Variants in MMS22L observed in about 807,000 individuals in gnomAD.
MMS22L encodes protein MMS22-like.
In MMS22L, 74 loss-of-function variants were observed where a neutral mutation model predicts 159.1. That is an observed-to-expected ratio of 0.47 (90% CI 0.39 to 0.56). The LOEUF (loss-of-function observed/expected upper bound fraction) is 0.56. Ranked by LOEUF, MMS22L falls within the 20% of genes least tolerant of loss-of-function variation. The pLI is 0.00. For synonymous variants in MMS22L, 517 were observed against 506.9 expected (o/e 1.02, Z -0.27); for missense variants, 1,351 against 1,422.1 (o/e 0.95, Z 0.80).
Position 97,254,569 on chromosome 6 carries a change from T to A in MMS22L, c.1107A>T (p.Val369=). 1 of 1,613,062 alleles carries A rather than the reference T, an allele frequency of 6.2e-7. No homozygotes were observed. The highest frequency in any genetic ancestry group is 1.1e-5 in the South Asian group (1 of 90,832). The change falls in exon 10 of 25, where the codon GTA becomes GTT. Residue 369 remains valine, a synonymous_variant. Transcript: ENST00000683635. ...ASFYKFDRHG[V]PDEMRKVESN... is the part of the protein sequence containing the mutation. Reference sequence around the variant, plus strand: ...AATGAAGTCTTACCATTTCATCTGGTACTCCATGGCGATCAAACTTGTAAA... The same window carrying A: ...AATGAAGTCTTACCATTTCATCTGGAACTCCATGGCGATCAAACTTGTAAA...
At chr6:97,275,303 C>T (rs1170922233) in intron 4 of MMS22L, among the ~76,000 whole-genome samples, 2 of 151,640 alleles carry the variant, frequency 1.3e-5, no homozygotes, top group Non-Finnish European at 2.9e-5. Flanking sequence ...CTGAGGCAGG[C>T]GAATCACGAG....
chr6:97,222,943 C>T (rs921133621), intron 14 of MMS22L, among the ~76,000 whole-genome samples: 2 of 152,098 alleles, frequency 1.3e-5, no homozygotes, highest in African/African-American at 2.4e-5. Context: ...CAAGTGAGAA[C>T]TTAAAATGTG....
chr6:97,278,781 T>C, intron 4 of MMS22L, 68 bp downstream of exon 4: 2 of 1,295,898 alleles, frequency 1.5e-6, no homozygotes, highest in Non-Finnish European at 2.2e-6. Flanking sequence ...TATACCATCA[T>C]GGACCCATGT....
At chr6:97,156,629 T>C (rs1328967517) in intron 22 of MMS22L, among the ~76,000 whole-genome samples, 1 of 152,148 alleles carries the variant, frequency 6.6e-6, no homozygotes. Context: ...GTTGTAGATG[T>C]GTGATGTTAT....
chr6:97,190,798 G>A (rs190038169), intron 14 of MMS22L, among the ~76,000 whole-genome samples: 178 of 152,224 alleles, frequency 1.2e-3, no homozygotes, highest in African/African-American at 3.9e-3. Flanking sequence ...CCAACTCGCT[G>A]TTTTCTTTAG....
intron 4 of MMS22L, among the ~76,000 whole-genome samples, chr6:97,277,994 G>A (rs1413821550): frequency 6.6e-6 from 1 of 152,138 alleles, no homozygotes; most frequent in East Asian, 1.9e-4. Flanking sequence ...CCCACAATTA[G>A]CTAGGGTTGG....
At chr6:97,190,827 T>C (rs1038850513) in intron 14 of MMS22L, among the ~76,000 whole-genome samples, 4 of 152,136 alleles carry the variant, frequency 2.6e-5, no homozygotes, top group African/African-American at 7.2e-5. Flanking sequence ...ACAGGAACAA[T>C]TGTTGCTATA....
chr6:97,182,079 A>G, intron 15 of MMS22L, 25 bp from the exon 16 acceptor site: 1 of 1,592,298 alleles, frequency 6.3e-7, no homozygotes, highest in Non-Finnish European at 8.5e-7. Flanking sequence ...AGAGAAACTT[A>G]AAGTCAGGAA....
intron 11 of MMS22L, 85 bp from the exon 12 acceptor site, chr6:97,234,065 T>C (rs1811147302): frequency 7.1e-7 from 1 of 1,413,182 alleles, no homozygotes; most frequent in Non-Finnish European, 9.4e-7. Flanking sequence ...GTATATAACC[T>C]GCAGCTAAAA....
At chr6:97,257,650 C>A (rs1813969213) in intron 9 of MMS22L, among the ~76,000 whole-genome samples, 1 of 152,038 alleles carries the variant, frequency 6.6e-6, no homozygotes, top group Non-Finnish European at 1.5e-5. Context: ...CAGTCTTGAA[C>A]TCCTGGGCTC....
intron 9 of MMS22L, among the ~76,000 whole-genome samples, chr6:97,255,332 G>A (rs1268295537): frequency 6.6e-6 from 1 of 152,000 alleles, no homozygotes; most frequent in Admixed American, 6.6e-5. Context: ...CCTTTCTAAT[G>A]TATACAGAAA....
rs577991216 is a variant in MMS22L, at chr6:97,171,249, A to T, written c.2839+1814T>A. 1.9e-3 allele frequency among the ~76,000 whole-genome samples: 296 copies of T among 152,298 alleles called. 1 individual carries two copies. Among genetic ancestry groups the T allele is most frequent in the Non-Finnish European group, 2.9e-3 (198 of 68,012 alleles). On this transcript the variant is annotated intron_variant, in intron 19 of 24. Coordinates refer to ENST00000683635, the MANE Select transcript of MMS22L (RefSeq NM_001350599.2). Reference sequence around the variant, plus strand: ...CAAGAGATGGCTACTACAAGTTTGAAATTTGGTGGGGGCATGTCAAGTACA... The same window carrying T: ...CAAGAGATGGCTACTACAAGTTTGATATTTGGTGGGGGCATGTCAAGTACA...
chr6:97,267,858 T>A lies in MMS22L; in HGVS notation c.828+14A>T, dbSNP rs369349107. ...GTCTTTAAGTCTCAAAAATACAAAC[T>A]CTTAAAGCATTACCTTGTCGTACCT... On this transcript the variant is annotated intron_variant, in intron 8 of 24. Transcript: ENST00000683635. The A allele has an allele frequency of 6.3e-7, 1 of 1,589,414 alleles. No homozygotes were observed. The highest frequency in any genetic ancestry group is 8.5e-7 in the Non-Finnish European group (1 of 1,171,710).
At chr6:97,229,504 A>C in intron 13 of MMS22L, 101 bp from the exon 14 acceptor site, 13 of 807,568 alleles carry the variant, frequency 1.6e-5, no homozygotes, top group Non-Finnish European at 2.4e-5. Flanking sequence ...AATCTCATTA[A>C]ATTTTAAGCT....
In MMS22L at chr6:97,269,911, C is replaced by T. The variant is rs774297029; in HGVS notation, c.688G>A (p.Glu230Lys). The T allele has an allele frequency of 1.0e-5, 16 of 1,606,306 alleles. No individual in the cohort carries two copies. The highest frequency in any genetic ancestry group is 4.0e-5 in the African/African-American group (3 of 74,708). The change falls in exon 7 of 25, where the codon GAA becomes AAA. Residue 230 changes from glutamate to lysine, a missense_variant. Coordinates refer to ENST00000683635, the MANE Select transcript of MMS22L (RefSeq NM_001350599.2). The part of the protein sequence containing the change: ...LVLEILYMLG[E>K]KLKQVVYGHQ... ...AAATCCATAAACTTACTCAATTTTT[C>T]ACCCAGCATGTAAAGAATTTCTAGC...
rs1473191763 is a variant in MMS22L at position 97,231,513 on chromosome 6, T to A, written c.1442A>T (p.Tyr481Phe). The change falls in exon 13 of 25, where the codon TAT (tyrosine) becomes TTT (phenylalanine). Residue 481 changes from tyrosine (Y) to phenylalanine (F), a missense_variant. Tyr to Phe is a conservative substitution (Grantham distance 22). Coordinates refer to ENST00000683635, the MANE Select transcript of MMS22L (RefSeq NM_001350599.2). Reference protein sequence around the residue: ...DQELYKSSSSYTIFLCILAKV... With the variant: ...DQELYKSSSSFTIFLCILAKV... ...TGCCAGAATACAAAGAAAAATAGTATAACTACTGCTGGATTTATATAGTTC... is the reference window on the plus strand; with the variant it reads ...TGCCAGAATACAAAGAAAAATAGTAAAACTACTGCTGGATTTATATAGTTC... The A allele has an allele frequency of 1.2e-6, 2 of 1,613,768 alleles. No individual in the cohort carries two copies. The highest frequency in any genetic ancestry group is 1.1e-5 in the South Asian group (1 of 91,068).
chr6:97,177,489 G>A (rs547258600), intron 18 of MMS22L, among the ~76,000 whole-genome samples: 13 of 152,180 alleles, frequency 8.5e-5, no homozygotes, highest in African/African-American at 3.1e-4. Context: ...TTTCTTAGTG[G>A]TGAAAGAACA....
intron 24 of MMS22L, among the ~76,000 whole-genome samples, chr6:97,148,998 A>G (rs1456449683): frequency 1.3e-5 from 2 of 152,210 alleles, no homozygotes; most frequent in African/African-American, 4.8e-5. Context: ...AATACTTACC[A>G]TAAGTTACAA....
intron 16 of MMS22L, among the ~76,000 whole-genome samples, chr6:97,181,671 T>G (rs1804722564): frequency 6.6e-6 from 1 of 152,126 alleles, no homozygotes. Flanking sequence ...CAAAAACAGT[T>G]TTGAAAGGGC....
Sources: gnomAD v4.1 joint callset for allele counts (sites outside exome capture counted in the v4.1 genomes callset) on GRCh38, gnomAD v4.1.1 for gene constraint, MANE v1.5 for transcripts, NCBI Gene and HGNC (gene_info 2026-07-23, HGNC 2026-07-21) for gene names.